Variants in NRXN1 observed in about 807,000 individuals in gnomAD.
NRXN1 encodes the protein neurexin-1.
Under a neutral mutation model 150.9 loss-of-function variants are expected in NRXN1, and 39 were observed. The ratio of observed to expected loss-of-function variants is 0.26; its 90% CI spans 0.20 to 0.34. The LOEUF (loss-of-function observed/expected upper bound fraction) is 0.34, where lower values mean the gene tolerates loss of function less well. Ranked by LOEUF, NRXN1 falls within the 10% of genes least tolerant of loss-of-function variation. The pLI is 1.00. For synonymous variants in NRXN1, 924 were observed against 757.0 expected, an observed-to-expected ratio of 1.22 and a Z score of -3.62; for missense variants, 1,815 against 1,949.9, an observed-to-expected ratio of 0.93 and a Z score of 1.30.
chr2:50,158,716 T>C (rs1558996775), intron 18 of NRXN1, among the ~76,000 whole-genome samples: 1 of 152,146 alleles, frequency 6.6e-6, no homozygotes, highest in Non-Finnish European at 1.5e-5. Flanking sequence ...GCATCACCAG[T>C]GGAATATTGT....
At chr2:50,100,839 A>G (rs897735383) in intron 18 of NRXN1, among the ~76,000 whole-genome samples, 5 of 152,096 alleles carry the variant, frequency 3.3e-5, no homozygotes, top group African/African-American at 7.2e-5. Context: ...TGTGTAAAGA[A>G]TGTCTTTTAT....
intron 2 of NRXN1, among the ~76,000 whole-genome samples, chr2:50,968,737 T>C (rs1367158272): frequency 3.3e-5 from 5 of 152,092 alleles, no homozygotes; most frequent in African/African-American, 4.8e-5. Context: ...CAAAATTTTC[T>C]CAATTTCCTC....
chr2:50,693,773 G>A (rs1692404474), intron 5 of NRXN1, among the ~76,000 whole-genome samples: 1 of 152,076 alleles, frequency 6.6e-6, no homozygotes, highest in Non-Finnish European at 1.5e-5. Context: ...ATACTTCATA[G>A]CATTTAATTA....
At chr2:50,942,940 A>C (rs572284480) in intron 2 of NRXN1, among the ~76,000 whole-genome samples, 14 of 152,196 alleles carry the variant, frequency 9.2e-5, no homozygotes, top group African/African-American at 3.1e-4. Flanking sequence ...TCCCACCCAA[A>C]CCTTATCACA....
At chr2:50,097,712 T>C (rs1488729899) in intron 18 of NRXN1, among the ~76,000 whole-genome samples, 1 of 151,918 alleles carries the variant, frequency 6.6e-6, no homozygotes, top group Non-Finnish European at 1.5e-5. Context: ...CGATCTCAGC[T>C]CTCTGCAACC....
intron 17 of NRXN1, among the ~76,000 whole-genome samples, chr2:50,265,992 ATTATTATTTATTTT>A (rs1412170459): frequency 9.2e-4 from 82 of 88,768 alleles, no homozygotes; most frequent in Admixed American, 4.9e-3. Flanking sequence ...TATTATTATT[ATTATTATTTATTTT>A]TTTTTTTTTT....
At chr2:50,739,798 C>T (rs749221369) in intron 5 of NRXN1, among the ~76,000 whole-genome samples, 1 of 152,072 alleles carries the variant, frequency 6.6e-6, no homozygotes, top group African/African-American at 2.4e-5. Flanking sequence ...AGGCTAAAGT[C>T]TTTTGGGGCT....
In NRXN1 at chr2:50,875,447, C is replaced by CAAT. The variant is rs539696942; in HGVS notation, c.832+46419_832+46421dup. ...ATATTAGTTCCTCAATATATTTTAG[C>CAAT]AATTATTATTATTATTACTATTCTT... On this transcript the variant is annotated intron_variant, in intron 5 of 22. Coordinates refer to ENST00000401669, the MANE Select transcript of NRXN1 (RefSeq NM_001330078.2). 1.8e-4 allele frequency among the ~76,000 whole-genome samples: 28 copies of CAAT among 151,532 alleles called. 1 individual carries two copies. The South Asian group carries it at 5.6e-3, about 30-fold the overall frequency.
At chr2:50,403,148 C>A (rs569130468) in intron 17 of NRXN1, among the ~76,000 whole-genome samples, 2 of 152,106 alleles carry the variant, frequency 1.3e-5, no homozygotes, top group East Asian at 3.9e-4. Flanking sequence ...TACTTGGGTA[C>A]CTTTGAACAA....
At chr2:51,026,324 A>G in intron 2 of NRXN1, 1 of 1,224,898 alleles carries the variant, frequency 8.2e-7, no homozygotes, top group Non-Finnish European at 1.2e-6. Flanking sequence ...AAATCCTGAC[A>G]TCTCCTACTT....
intron 2 of NRXN1, among the ~76,000 whole-genome samples, chr2:50,994,102 T>C (rs1052055475): frequency 6.6e-6 from 1 of 152,000 alleles, no homozygotes; most frequent in South Asian, 2.1e-4. Flanking sequence ...TCTTTCAAGA[T>C]AGGGATTGTC....
At chr2:50,535,991 T>G (rs1370225967) in intron 10 of NRXN1, among the ~76,000 whole-genome samples, 4 of 152,192 alleles carry the variant, frequency 2.6e-5, no homozygotes, top group Admixed American at 6.5e-5. Flanking sequence ...CAACTCTTAT[T>G]TGATCAACAA....
chr2:50,150,450 C>A (rs1517827), intron 18 of NRXN1, among the ~76,000 whole-genome samples: 22,815 of 151,654 alleles, frequency 0.15, 2,257 homozygotes, highest in East Asian at 0.37. Context: ...CTACTTTGTG[C>A]AAACCACTTA....
chr2:50,623,679 A>C, intron 5 of NRXN1, 64 bp from the exon 6 acceptor site: 3 of 1,172,524 alleles, frequency 2.6e-6, no homozygotes, highest in Non-Finnish European at 3.6e-6. Flanking sequence ...AGCAGGTCTT[A>C]ACAGAAACAA....
chr2:50,342,301 T>C (rs1413280794), intron 17 of NRXN1, among the ~76,000 whole-genome samples: 1 of 152,242 alleles, frequency 6.6e-6, no homozygotes, highest in Non-Finnish European at 1.5e-5. Flanking sequence ...GCCATCTTGT[T>C]GAAAACAGCA....
intron 17 of NRXN1, among the ~76,000 whole-genome samples, chr2:50,353,566 T>C (rs191047250): frequency 6.6e-6 from 1 of 152,272 alleles, no homozygotes; most frequent in Non-Finnish European, 1.5e-5. Context: ...AAAATGATTA[T>C]AACGCTAAAT....
intron 21 of NRXN1, among the ~76,000 whole-genome samples, chr2:50,033,759 A>C (rs1233880057): frequency 6.6e-6 from 1 of 151,992 alleles, no homozygotes; most frequent in East Asian, 1.9e-4. Context: ...ACCATCTATA[A>C]GGAATTTAAA....
intron 8 of NRXN1, among the ~76,000 whole-genome samples, chr2:50,603,947 T>C (rs1356391451): frequency 6.6e-6 from 1 of 152,174 alleles, no homozygotes; most frequent in African/African-American, 2.4e-5. Flanking sequence ...CCTTTTCACT[T>C]TAATCTGAAG....
At chr2:50,036,014 C>A (rs1164150323) in intron 21 of NRXN1, among the ~76,000 whole-genome samples, 1 of 152,090 alleles carries the variant, frequency 6.6e-6, no homozygotes, top group Non-Finnish European at 1.5e-5. Flanking sequence ...ATGAATAGCA[C>A]AACCTTTACC....
Sources: gnomAD v4.1 joint callset for allele counts (sites outside exome capture counted in the v4.1 genomes callset) on GRCh38, gnomAD v4.1.1 for gene constraint, MANE v1.5 for transcripts, NCBI Gene and HGNC (gene_info 2026-07-23, HGNC 2026-07-21) for gene names.